ARHGAP44: variants seen among roughly 807,000 people sequenced by gnomAD.
ARHGAP44 encodes the protein rho GTPase-activating protein 44.
In ARHGAP44, 43 loss-of-function variants were observed where a neutral mutation model predicts 106.8. That is an observed-to-expected ratio of 0.40 (90% CI 0.32 to 0.52). The LOEUF (loss-of-function observed/expected upper bound fraction) is 0.52, where lower values mean the gene tolerates loss of function less well. Ranked by LOEUF, ARHGAP44 falls within the 20% of genes least tolerant of loss-of-function variation. The pLI, the probability that ARHGAP44 is intolerant of heterozygous loss-of-function variation, is 0.48. For synonymous variants in ARHGAP44, 439 were observed against 410.3 expected (o/e 1.07, Z -0.85); for missense variants, 866 against 1,050.5 (o/e 0.82, Z 2.43).
chr17:12,947,477 C>T (rs2038884682), intron 10 of ARHGAP44, among the ~76,000 whole-genome samples: 1 of 152,160 alleles, frequency 6.6e-6, no homozygotes, highest in Admixed American at 6.5e-5. Context: ...CCCTGCCCTG[C>T]TAGAGGTGCT....
chr17:12,900,317 A>G (rs546281204), intron 3 of ARHGAP44, among the ~76,000 whole-genome samples: 1 of 151,798 alleles, frequency 6.6e-6, no homozygotes, highest in African/African-American at 2.4e-5. Flanking sequence ...TTTAGTAGAG[A>G]TGGGGTTTCA....
chr17:12,861,696 G>A (rs1007468564), intron 1 of ARHGAP44, among the ~76,000 whole-genome samples: 5 of 113,836 alleles, frequency 4.4e-5, no homozygotes, highest in South Asian at 3.1e-4. Flanking sequence ...GTGCAGTGGC[G>A]CAATCTCGGC....
intron 1 of ARHGAP44, among the ~76,000 whole-genome samples, chr17:12,826,384 T>G (rs1436435616): frequency 6.6e-6 from 1 of 152,238 alleles, no homozygotes; most frequent in Non-Finnish European, 1.5e-5. Context: ...TAAAAAAGCC[T>G]TGTCAGCCAT....
At chr17:12,929,562 G>A (rs1345007644) in intron 7 of ARHGAP44, among the ~76,000 whole-genome samples, 5 of 152,200 alleles carry the variant, frequency 3.3e-5, no homozygotes, top group Non-Finnish European at 5.9e-5. Flanking sequence ...TTAAGAGAGA[G>A]GACATCGTTC....
Position 12,984,361 on chromosome 17 carries a change from T to C in ARHGAP44, c.1940-170T>C, listed in dbSNP as rs982019969. On this transcript the variant is annotated intron_variant, in intron 19 of 20. Transcript: ENST00000379672. The stretch of plus-strand genomic sequence containing the variant: ...GTTAATTTTTAAAAATTGTATTGGC[T>C]GCTGTCAATGTGGCAAGAGGCCGGG... 10 of 534,410 alleles carry C rather than the reference T, an allele frequency of 1.9e-5. No homozygotes were observed. The East Asian group carries it at 3.4e-4, about 18-fold the overall frequency. The allele number at this position is 534,410 out of a possible 1,614,324, so 33.1% of individuals were successfully genotyped here. A position where few individuals can be genotyped will look rare whatever the true frequency, so the allele number is the denominator to read the frequency against.
At chr17:12,854,103 G>A (rs529134656) in intron 1 of ARHGAP44, among the ~76,000 whole-genome samples, 1 of 152,290 alleles carries the variant, frequency 6.6e-6, no homozygotes, top group South Asian at 2.1e-4. Context: ...AACAAGTGCC[G>A]TGTCTCCTGG....
At chr17:12,923,787 A>G (rs1223137761) in intron 6 of ARHGAP44, among the ~76,000 whole-genome samples, 1 of 152,152 alleles carries the variant, frequency 6.6e-6, no homozygotes, top group Admixed American at 6.5e-5. Context: ...CCAACCCAAC[A>G]CAACTTCCTG....
chr17:12,975,800 A>AAG (rs1458679050), intron 18 of ARHGAP44, among the ~76,000 whole-genome samples: 7 of 148,562 alleles, frequency 4.7e-5, no homozygotes, highest in African/African-American at 1.7e-4. Flanking sequence ...CGTCTCAAAA[A>AAG]AAAAAAAAAA....
At chr17:12,802,965 ATATATTTTTTTT>A (rs2034159652) in intron 1 of ARHGAP44, among the ~76,000 whole-genome samples, 4 of 27,026 alleles carry the variant, frequency 1.5e-4, no homozygotes, top group African/African-American at 3.8e-4. Flanking sequence ...ATATATATAT[ATATATTTTTTTT>A]TTTTTTTTTT....
At chr17:12,838,297 A>G (rs943864312) in intron 1 of ARHGAP44, among the ~76,000 whole-genome samples, 4 of 152,244 alleles carry the variant, frequency 2.6e-5, no homozygotes, top group African/African-American at 9.6e-5. Flanking sequence ...GTATGTTCAC[A>G]TATTTACAGT....
intron 5 of ARHGAP44, among the ~76,000 whole-genome samples, chr17:12,916,815 G>A (rs987882953): frequency 6.6e-6 from 1 of 152,180 alleles, no homozygotes; most frequent in African/African-American, 2.4e-5. Flanking sequence ...AGCTTCTCAC[G>A]GGAGATAGGA....
intron 1 of ARHGAP44, among the ~76,000 whole-genome samples, chr17:12,893,537 A>G (rs1170877690): frequency 6.6e-6 from 1 of 152,122 alleles, no homozygotes; most frequent in Non-Finnish European, 1.5e-5. Context: ...CCTAGTAGTG[A>G]TAGACGCTTC....
At chr17:12,837,316 A>G (rs533944884) in intron 1 of ARHGAP44, among the ~76,000 whole-genome samples, 1 of 152,296 alleles carries the variant, frequency 6.6e-6, no homozygotes, top group East Asian at 1.9e-4. Context: ...AAGAATGGGT[A>G]CCCCATTTAC....
intron 1 of ARHGAP44, among the ~76,000 whole-genome samples, chr17:12,826,385 T>C (rs1393225758): frequency 1.3e-5 from 2 of 152,230 alleles, no homozygotes; most frequent in Non-Finnish European, 2.9e-5. Flanking sequence ...AAAAAAGCCT[T>C]GTCAGCCATT....
chr17:12,903,730 C>A (rs950746340), intron 3 of ARHGAP44, among the ~76,000 whole-genome samples: 3 of 152,128 alleles, frequency 2.0e-5, no homozygotes, highest in African/African-American at 7.2e-5. Context: ...AATGTGTAAT[C>A]TTTTATCCCT....
At chr17:12,909,236 T>C (rs1008904421) in intron 4 of ARHGAP44, among the ~76,000 whole-genome samples, 2 of 152,014 alleles carry the variant, frequency 1.3e-5, no homozygotes, top group African/African-American at 4.8e-5. Context: ...GAAGCAAATA[T>C]GAAACCTGTC....
At chr17:12,886,733 A>T (rs915459448) in intron 1 of ARHGAP44, among the ~76,000 whole-genome samples, 1 of 152,116 alleles carries the variant, frequency 6.6e-6, no homozygotes, top group Non-Finnish European at 1.5e-5. Context: ...ATCATCTGCA[A>T]ATGGAGACAT....
chr17:12,891,259 T>G (rs977949358), intron 1 of ARHGAP44, among the ~76,000 whole-genome samples: 11 of 152,220 alleles, frequency 7.2e-5, no homozygotes. Flanking sequence ...GTATTTGTTA[T>G]AGCAGTACCT....
At chr17:12,861,644 C>T (rs1386440145) in intron 1 of ARHGAP44, among the ~76,000 whole-genome samples, 10 of 67,758 alleles carry the variant, frequency 1.5e-4, no homozygotes, top group African/African-American at 2.4e-4. Context: ...TCCTCTTCCA[C>T]TTTTTTTTTT....
Sources: gnomAD v4.1 joint callset for allele counts (sites outside exome capture counted in the v4.1 genomes callset) on GRCh38, gnomAD v4.1.1 for gene constraint, MANE v1.5 for transcripts, NCBI Gene and HGNC (gene_info 2026-07-23, HGNC 2026-07-21) for gene names.